The following PLD5 variants were observed in gnomAD, a reference collection of about 807,000 sequenced individuals.
The protein encoded by PLD5 is inactive phospholipase D5.
A neutral mutation model predicts 61.1 loss-of-function variants in PLD5; 36 were observed. The ratio of observed to expected loss-of-function variants is 0.59; its 90% CI spans 0.45 to 0.78. The LOEUF (loss-of-function observed/expected upper bound fraction) is 0.78. Ranked by LOEUF, PLD5 falls within the 30% of genes least tolerant of loss-of-function variation. The pLI, the probability that PLD5 is intolerant of heterozygous loss-of-function variation, is 0.00. For synonymous variants in PLD5, 243 were observed against 242.8 expected (o/e 1.00, Z -0.01); for missense variants, 515 against 644.4 (o/e 0.80, Z 2.17).
chr1:242,393,717 A>C, intron 1 of PLD5, among the ~76,000 whole-genome samples: 1 of 144,930 alleles, frequency 6.9e-6, no homozygotes, highest in African/African-American at 2.5e-5. Context: ...TGTATATATG[A>C]GTATATATGT....
chr1:242,503,030 CA>C (rs1668606882), intron 1 of PLD5, among the ~76,000 whole-genome samples: 1 of 152,170 alleles, frequency 6.6e-6, no homozygotes, highest in South Asian at 2.1e-4. Flanking sequence ...CACTACACTC[CA>C]GCCTGGCAAC....
At chr1:242,279,374 C>G (rs1674587691) in intron 3 of PLD5, among the ~76,000 whole-genome samples, 1 of 152,148 alleles carries the variant, frequency 6.6e-6, no homozygotes, top group African/African-American at 2.4e-5. Context: ...GAAGCCTGGG[C>G]CCCTCTCCAA....
intron 4 of PLD5, among the ~76,000 whole-genome samples, chr1:242,253,007 C>T (rs1453011950): frequency 1.3e-5 from 2 of 150,870 alleles, no homozygotes; most frequent in South Asian, 2.1e-4. Flanking sequence ...AGTAGAGACA[C>T]GGTTTTACCA....
At chr1:242,109,962 A>G (rs1398234245) in intron 7 of PLD5, among the ~76,000 whole-genome samples, 1 of 151,264 alleles carries the variant, frequency 6.6e-6, no homozygotes, top group Non-Finnish European at 1.5e-5. Flanking sequence ...GAAGGAGACT[A>G]TTAGAACACA....
chr1:242,220,087 G>A lies in PLD5; in HGVS notation c.636C>T (p.Thr212=), dbSNP rs746569677. 1.2e-5 allele frequency: 20 copies of A among 1,613,994 alleles called. No homozygotes were observed. Among genetic ancestry groups the A allele is most frequent in the South Asian group, 5.5e-5 (5 of 91,088 alleles). The change falls in exon 5 of 10, where the codon ACC becomes ACT. Residue 212 remains threonine, a synonymous_variant. Coordinates refer to ENST00000536534, the MANE Select transcript of PLD5 (RefSeq NM_001372062.1). ...KGAEVTYMNM[T]AYNKGRLQSS... is the part of the protein sequence containing the mutation. The stretch of plus-strand genomic sequence containing the variant: ...ACTGCAGCCGGCCCTTGTTGTAAGC[G>A]GTCATGTTCATGTACGTCACCTCGG...
chr1:242,213,112 C>A (rs557759259), intron 5 of PLD5, among the ~76,000 whole-genome samples: 53 of 152,306 alleles, frequency 3.5e-4, no homozygotes, highest in Non-Finnish European at 7.3e-4. Flanking sequence ...GGCTCCCTTC[C>A]CCCGTGGTGA....
intron 1 of PLD5, among the ~76,000 whole-genome samples, chr1:242,512,271 T>A (rs1424971793): frequency 1.3e-5 from 2 of 150,052 alleles, no homozygotes; most frequent in Non-Finnish European, 1.5e-5. Flanking sequence ...AAAAAAAAAA[T>A]TAGCCAGGCA....
intron 3 of PLD5, among the ~76,000 whole-genome samples, chr1:242,268,360 T>A (rs1489982727): frequency 3.9e-5 from 6 of 152,226 alleles, no homozygotes; most frequent in Admixed American, 2.6e-4. Flanking sequence ...CAAATTCATT[T>A]ATTTTTTTAG....
chr1:242,355,752 G>C (rs1660718096), intron 1 of PLD5, among the ~76,000 whole-genome samples: 1 of 152,048 alleles, frequency 6.6e-6, no homozygotes, highest in Non-Finnish European at 1.5e-5. Flanking sequence ...TCACCCCTCA[G>C]AACTTCTCTT....
At chr1:242,337,867 C>T (rs3851902) in intron 2 of PLD5, among the ~76,000 whole-genome samples, 120,742 of 152,058 alleles carry the variant, frequency 0.79, 48,569 homozygotes, top group Non-Finnish European at 0.85. Flanking sequence ...GCAAACATAT[C>T]GCTGCATCCA....
chr1:242,155,450 A>G (rs454494), intron 5 of PLD5, among the ~76,000 whole-genome samples: 127,868 of 151,984 alleles, frequency 0.84, 54,274 homozygotes, highest in African/African-American at 0.95. Flanking sequence ...TTAGGGTGTC[A>G]ATTTTAGATC....
intron 5 of PLD5, among the ~76,000 whole-genome samples, chr1:242,156,520 T>C (rs1665385725): frequency 6.6e-6 from 1 of 152,216 alleles, no homozygotes; most frequent in Admixed American, 6.5e-5. Flanking sequence ...TAGTGCTTCT[T>C]GCAGGAGCTC....
intron 1 of PLD5, among the ~76,000 whole-genome samples, chr1:242,413,767 GAGCGCACC>G (rs1454507533): frequency 6.6e-6 from 1 of 152,180 alleles, no homozygotes; most frequent in African/African-American, 2.4e-5. Flanking sequence ...GTGACTAGCT[GAGCGCACC>G]AGCAGAGGTT....
At chr1:242,445,671 T>C (rs1179445097) in intron 1 of PLD5, among the ~76,000 whole-genome samples, 1 of 152,078 alleles carries the variant, frequency 6.6e-6, no homozygotes, top group Non-Finnish European at 1.5e-5. Flanking sequence ...TTATCCAGTC[T>C]GATGTATTTT....
At position 242,369,398 on chromosome 1, in the gene PLD5, G is replaced by A. The variant is rs1036957809; in HGVS notation, c.190-21156C>T. Among the ~76,000 whole-genome samples the A allele has an allele frequency of 1.1e-4, 16 of 152,194 alleles. No individual in the cohort carries two copies. The East Asian group carries it at 2.5e-3, about 24-fold the overall frequency. On this transcript the variant is annotated intron_variant, in intron 1 of 9. Coordinates refer to ENST00000536534, the MANE Select transcript of PLD5 (RefSeq NM_001372062.1). ...ACTTCCAATATTTAATTTTACAGAA[G>A]TGTTTACATATGTGCATAAAGATAT... is the stretch of plus-strand genomic sequence containing the variant.
At chr1:242,341,740 T>C (rs1397038408) in intron 2 of PLD5, among the ~76,000 whole-genome samples, 12 of 138,588 alleles carry the variant, frequency 8.7e-5, no homozygotes, top group Non-Finnish European at 1.4e-4. Context: ...CAATTTAGGA[T>C]GAAAGAAAAT....
chr1:242,286,141 G>A (rs1675009779), intron 3 of PLD5, among the ~76,000 whole-genome samples: 1 of 152,070 alleles, frequency 6.6e-6, no homozygotes, highest in South Asian at 2.1e-4. Context: ...AAAAATATAA[G>A]TAGAAGGGAA....
chr1:242,489,496 G>T (rs1192942858), intron 1 of PLD5, among the ~76,000 whole-genome samples: 1 of 151,904 alleles, frequency 6.6e-6, no homozygotes, highest in Non-Finnish European at 1.5e-5. Flanking sequence ...AAGAGGCAGC[G>T]AAAGAGGATG....
chr1:242,145,955 C>A (rs570489671), intron 5 of PLD5, among the ~76,000 whole-genome samples: 4 of 152,170 alleles, frequency 2.6e-5, no homozygotes, highest in African/African-American at 4.8e-5. Flanking sequence ...GGATTACAGG[C>A]GTGAGCCACC....
Sources: gnomAD v4.1 joint callset for allele counts (sites outside exome capture counted in the v4.1 genomes callset) on GRCh38, gnomAD v4.1.1 for gene constraint, MANE v1.5 for transcripts, NCBI Gene and HGNC (gene_info 2026-07-23, HGNC 2026-07-21) for gene names.